Variants in FBXW8 observed in about 807,000 individuals in gnomAD.
The protein encoded by FBXW8 is F-box/WD repeat-containing protein 8.
Under a neutral mutation model 65.3 loss-of-function variants are expected in FBXW8, and 57 were observed. The observed-to-expected ratio is 0.87, with a 90% CI of 0.71 to 1.09. FBXW8 has a LOEUF of 1.09. FBXW8 is among the 50% of genes least tolerant of loss of function. The probability of loss-of-function intolerance (pLI) is 0.00; values close to 1 mark genes in which losing one functional copy is unlikely to be tolerated. For synonymous variants in FBXW8, 308 were observed against 330.2 expected (o/e 0.93, Z 0.73); for missense variants, 777 against 814.8 (o/e 0.95, Z 0.57).
chr12:116,930,969 A>T (rs1188123642), intron 2 of FBXW8, among the ~76,000 whole-genome samples: 1 of 152,130 alleles, frequency 6.6e-6, no homozygotes, highest in Non-Finnish European at 1.5e-5. Flanking sequence ...CAACATGCCC[A>T]GCTAACTTTT....
chr12:116,939,631 T>C (rs573437743), intron 2 of FBXW8, among the ~76,000 whole-genome samples: 15 of 152,352 alleles, frequency 9.8e-5, no homozygotes, highest in African/African-American at 3.1e-4. Context: ...TTTTACAAAA[T>C]GTTATGGTTT....
chr12:116,976,749 G>T (rs1419615019), intron 5 of FBXW8, among the ~76,000 whole-genome samples: 1 of 151,690 alleles, frequency 6.6e-6, no homozygotes, highest in Non-Finnish European at 1.5e-5. Flanking sequence ...TTAAAGAATA[G>T]TGTAGCCATT....
intron 7 of FBXW8, among the ~76,000 whole-genome samples, chr12:116,993,220 T>C (rs1335059768): frequency 2.0e-5 from 3 of 150,868 alleles, no homozygotes; most frequent in Non-Finnish European, 4.4e-5. Context: ...TCTCCAGCCT[T>C]AGCCTCCCGA....
chr12:116,950,604 A>G (rs1883210763), intron 4 of FBXW8: 1 of 152,220 alleles, frequency 6.6e-6, no homozygotes, highest in African/African-American at 2.4e-5. Context: ...GGATTATTTT[A>G]ATATTTTGTG....
chr12:116,926,413 T>C (rs752903649), intron 1 of FBXW8, among the ~76,000 whole-genome samples: 7 of 152,168 alleles, frequency 4.6e-5, no homozygotes, highest in Non-Finnish European at 7.4e-5. Context: ...CGATTGCAAA[T>C]GAAAGTTTCT....
chr12:116,922,371 A>G (rs1478828865), intron 1 of FBXW8, among the ~76,000 whole-genome samples: 1 of 152,112 alleles, frequency 6.6e-6, no homozygotes, highest in African/African-American at 2.4e-5. Flanking sequence ...TAAACGCCTA[A>G]AGAAACTAGT....
rs1467877987 is a variant in FBXW8, at chr12:116,988,686, A to C, written c.1056A>C (p.Pro352=). The change falls in exon 7 of 11, where the codon CCA becomes CCC. Residue 352 remains proline, a synonymous_variant. Coordinates refer to ENST00000652555, the MANE Select transcript of FBXW8 (RefSeq NM_153348.3). ...PKLVQYLEIV[P]ETRRYPVAVA... ...AGGTTCAGTACCTTGAAATAGTTCCAGAAACCAGAAGGTACCCTGTGGCAG... is the reference window on the plus strand; with the variant it reads ...AGGTTCAGTACCTTGAAATAGTTCCCGAAACCAGAAGGTACCCTGTGGCAG... The C allele has an allele frequency of 2.4e-5, 38 of 1,614,194 alleles. No individual in the cohort carries two copies. Among genetic ancestry groups the C allele is most frequent in the Non-Finnish European group, 3.2e-5 (38 of 1,180,036 alleles).
At chr12:117,005,014 A>G (rs1489222622) in intron 7 of FBXW8, among the ~76,000 whole-genome samples, 1 of 152,218 alleles carries the variant, frequency 6.6e-6, no homozygotes, top group African/African-American at 2.4e-5. Flanking sequence ...CTGTTTGTAA[A>G]TGGCAAGGTT....
intron 2 of FBXW8, among the ~76,000 whole-genome samples, chr12:116,940,100 G>A (rs1882455154): frequency 6.6e-6 from 1 of 152,210 alleles, no homozygotes; most frequent in South Asian, 2.1e-4. Context: ...CTAAGATGGA[G>A]AAGTGTGGGA....
chr12:116,917,134 A>G (rs1384365016), intron 1 of FBXW8, among the ~76,000 whole-genome samples: 1 of 152,222 alleles, frequency 6.6e-6, no homozygotes, highest in Non-Finnish European at 1.5e-5. Flanking sequence ...TTGGATACAG[A>G]GAGACATGAA....
At chr12:116,931,885 A>G (rs1410592097) in intron 2 of FBXW8, among the ~76,000 whole-genome samples, 1 of 152,044 alleles carries the variant, frequency 6.6e-6, no homozygotes, top group Non-Finnish European at 1.5e-5. Context: ...TTCTAGTACT[A>G]TGTTGAATGG....
At chr12:117,005,005 T>G (rs1953642114) in intron 7 of FBXW8, among the ~76,000 whole-genome samples, 2 of 152,264 alleles carry the variant, frequency 1.3e-5, no homozygotes, top group South Asian at 4.1e-4. Flanking sequence ...GCATGGTCAC[T>G]GTTTGTAAAT....
At position 117,018,578 on chromosome 12, in the gene FBXW8, T is replaced by C. The variant is rs190668077; in HGVS notation, c.1368-5569T>C. 1.8e-3 allele frequency among the ~76,000 whole-genome samples: 262 copies of C among 149,562 alleles called. 11 individuals are homozygous for C. Among genetic ancestry groups the C allele is most frequent in the Admixed American group, 0.017 (251 of 15,066 alleles). On this transcript the variant is annotated intron_variant, in intron 8 of 10. Transcript: ENST00000652555. ...AATGGCTTGGGTGGACTTAGCACAC[T>C]GTGCTGTCTGCTGTTTCTGTCGACG...
intron 2 of FBXW8, among the ~76,000 whole-genome samples, chr12:116,931,319 G>A (rs1881755455): frequency 6.6e-6 from 1 of 151,766 alleles, no homozygotes; most frequent in African/African-American, 2.4e-5. Flanking sequence ...GTATTGTGAT[G>A]CCTCCAGCAT....
Position 116,949,707 on chromosome 12 carries a change from G to T in FBXW8, c.677+1G>T. On this transcript the variant is annotated splice_donor_variant, in intron 4 of 10. Coordinates refer to ENST00000652555, the MANE Select transcript of FBXW8 (RefSeq NM_153348.3). LOFTEE classifies it high-confidence loss of function. ...CTCACGATGGTGTGGTCATTGCGGG[G>T]TAAGCCAAACCGTTTCCACTGAGTG... 1.9e-6 allele frequency: 3 copies of T among 1,614,090 alleles called. No homozygotes were observed. The highest frequency in any genetic ancestry group is 2.2e-5 in the East Asian group (1 of 44,882).
At chr12:117,018,072 C>G (rs1954001725) in intron 8 of FBXW8, among the ~76,000 whole-genome samples, 1 of 152,186 alleles carries the variant, frequency 6.6e-6, no homozygotes, top group Non-Finnish European at 1.5e-5. Context: ...GCGTGCCTCC[C>G]TCTCGGTTCC....
At chr12:116,976,913 T>C (rs1244960895) in intron 5 of FBXW8, among the ~76,000 whole-genome samples, 2 of 152,140 alleles carry the variant, frequency 1.3e-5, no homozygotes, top group African/African-American at 4.8e-5. Context: ...ATCAAAAAAG[T>C]CTGAAGAGCA....
chr12:116,952,024 A>G (rs1259079835), intron 4 of FBXW8, among the ~76,000 whole-genome samples: 1 of 152,192 alleles, frequency 6.6e-6, no homozygotes, highest in Non-Finnish European at 1.5e-5. Context: ...CCTGACATTC[A>G]AAGCTCTTTG....
chr12:116,938,820 C>T (rs1882350117), intron 2 of FBXW8, among the ~76,000 whole-genome samples: 1 of 152,144 alleles, frequency 6.6e-6, no homozygotes, highest in South Asian at 2.1e-4. Context: ...AGATTGCTTC[C>T]CCTATTTGGG....
Sources: allele counts gnomAD v4.1 joint callset (sites outside exome capture counted in the v4.1 genomes callset), GRCh38; gene constraint gnomAD v4.1.1; transcripts MANE v1.5; gene names NCBI Gene and HGNC (gene_info 2026-07-23, HGNC 2026-07-21).